Variants in XPOT observed in about 807,000 individuals in gnomAD.
XPOT encodes exportin for tRNA, also known as exportin-T.
In XPOT, 34 loss-of-function variants were observed where a neutral mutation model predicts 128.2. The observed-to-expected ratio is 0.27, with a 90% CI of 0.20 to 0.35. The LOEUF (loss-of-function observed/expected upper bound fraction) is 0.35, where lower values mean the gene tolerates loss of function less well. Among genes scored for constraint, XPOT ranks in the 10% least tolerant of loss-of-function variants. XPOT has a pLI of 1.00. For missense variants in XPOT, 838 were observed against 1,125.3 expected (o/e 0.74, Z 3.65); for synonymous variants, 348 against 394.3 (o/e 0.88, Z 1.39).
At chr12:64,444,111 G>A (rs1347133961) in intron 23 of XPOT, among the ~76,000 whole-genome samples, 1 of 151,932 alleles carries the variant, frequency 6.6e-6, no homozygotes, top group African/African-American at 2.4e-5. Context: ...TTTTTCATAT[G>A]CCTTATGTCT....
rs1347026593 is a variant in XPOT at position 64,408,128 on chromosome 12, G to A, written c.-74-1834G>A. Among the ~76,000 whole-genome samples, 3 of 150,330 alleles carry A rather than the reference G, an allele frequency of 2.0e-5. No homozygotes were observed. The South Asian group carries it at 6.4e-4, about 32-fold the overall frequency. On this transcript the variant is annotated intron_variant, in intron 1 of 24. Transcript: ENST00000332707. ...CCCACAGCCTTTTTTTGTTTTTTTT[G>A]AGACAGAGTCTCGTTCTGTCACCCA...
intron 2 of XPOT, among the ~76,000 whole-genome samples, chr12:64,411,769 G>A (rs2040040621): frequency 6.6e-6 from 1 of 152,086 alleles, no homozygotes; most frequent in South Asian, 2.1e-4. Context: ...TTGCTCAGTT[G>A]TCTATCTGTA....
chr12:64,406,831 A>T (rs1415027251), intron 1 of XPOT, among the ~76,000 whole-genome samples: 1 of 152,158 alleles, frequency 6.6e-6, no homozygotes, highest in African/African-American at 2.4e-5. Context: ...GGCGAAGGGA[A>T]CCAGTGCCTT....
Position 64,448,873 on chromosome 12 carries a change from T to G in XPOT, c.*742T>G, listed in dbSNP as rs1359101583. On this transcript the variant is annotated 3_prime_UTR_variant, in exon 25 of 25. Coordinates refer to ENST00000332707, the MANE Select transcript of XPOT (RefSeq NM_007235.6). ...ATGAGAGTCTTTTTCTTTAATGTACTGGAAAAAGCCTATGTGAATCTGTTG... is the reference window on the plus strand; with the variant it reads ...ATGAGAGTCTTTTTCTTTAATGTACGGGAAAAAGCCTATGTGAATCTGTTG... 3.3e-5 allele frequency: 5 copies of G among 152,146 alleles called. No individual in the cohort carries two copies. The highest frequency in any genetic ancestry group is 7.4e-5 in the Non-Finnish European group (5 of 68,016). The allele number at this position is 152,146 out of a possible 1,614,324, so 9.4% of individuals were successfully genotyped here. A position where few individuals can be genotyped will look rare whatever the true frequency, so the allele number is the denominator to read the frequency against.
At chr12:64,439,746 A>G (rs1388969097) in intron 23 of XPOT, among the ~76,000 whole-genome samples, 2 of 152,222 alleles carry the variant, frequency 1.3e-5, no homozygotes, top group Admixed American at 1.3e-4. Context: ...CTTAATCTGT[A>G]AATCTGAAAC....
At chr12:64,436,558 G>GC (rs1422550292) in intron 22 of XPOT, among the ~76,000 whole-genome samples, 1 of 152,024 alleles carries the variant, frequency 6.6e-6, no homozygotes, top group East Asian at 1.9e-4. Flanking sequence ...ACTGTGCCCG[G>GC]CCTTGGTTAT....
rs188121452 is a variant in XPOT, at chr12:64,418,420, C to G, written c.270+305C>G. On this transcript the variant is annotated intron_variant, in intron 5 of 24. Coordinates refer to ENST00000332707, the MANE Select transcript of XPOT (RefSeq NM_007235.6). ...TGTTTGGCTCTTAAAGGTGAGCCCT[C>G]CTGGACAGCCTCTCCACCAGAGCCC... Among the ~76,000 whole-genome samples the G allele has an allele frequency of 4.4e-3, 675 of 152,286 alleles. 3 individuals carry two copies. The highest frequency in any genetic ancestry group is 7.1e-3 in the Non-Finnish European group (482 of 68,024).
intron 18 of XPOT, among the ~76,000 whole-genome samples, chr12:64,432,396 C>T (rs935402624): frequency 6.6e-6 from 1 of 152,094 alleles, no homozygotes; most frequent in African/African-American, 2.4e-5. Context: ...TAGGTGCATG[C>T]ACCACACCAC....
intron 23 of XPOT, among the ~76,000 whole-genome samples, chr12:64,443,762 T>G (rs1398482240): frequency 6.6e-6 from 1 of 152,128 alleles, no homozygotes; most frequent in Non-Finnish European, 1.5e-5. Flanking sequence ...GCCTCAATGG[T>G]GTTTTTTTGA....
chr12:64,429,051 T>TA (rs1195865550), intron 16 of XPOT, among the ~76,000 whole-genome samples: 2 of 152,214 alleles, frequency 1.3e-5, no homozygotes, highest in African/African-American at 4.8e-5. Context: ...CACTACAACA[T>TA]ATGCAGTCAC....
rs562193414 is a variant in XPOT at position 64,427,751 on chromosome 12, C to G, written c.1668-300C>G. 4.6e-5 allele frequency among the ~76,000 whole-genome samples: 7 copies of G among 152,178 alleles called. No homozygotes were observed. In the South Asian group the frequency reaches 1.5e-3, roughly 32 times the overall value. ...CAGTCTTCCCACCTCGGCCTCCCAA[C>G]GTGTTGGGATTACAGAAATGAGCCA... On this transcript the variant is annotated intron_variant, in intron 15 of 24. Transcript: ENST00000332707.
intron 9 of XPOT, among the ~76,000 whole-genome samples, 190 bp from the exon 10 acceptor site, chr12:64,422,815 A>G (rs1592330735): frequency 6.7e-6 from 1 of 149,390 alleles, no homozygotes; most frequent in African/African-American, 2.5e-5. Context: ...AGGTGGGAGG[A>G]TCTCTTGAGC....
chr12:64,424,706 T>G lies in XPOT; in HGVS notation c.1290T>G (p.Val430=). 6.2e-7 allele frequency: 1 copy of G among 1,613,788 alleles called. No homozygotes were observed. Among genetic ancestry groups the G allele is most frequent in the Non-Finnish European group, 8.5e-7 (1 of 1,179,978 alleles). ...PELLLASVRR[V]FSSTLQNWQT... ...TACTACTGGCCTCTGTTCGCAGAGTTTTTAGTTCTACACTGCAGTAAGTTT... is the reference window on the plus strand; with the variant it reads ...TACTACTGGCCTCTGTTCGCAGAGTGTTTAGTTCTACACTGCAGTAAGTTT... Residue 430 remains valine (V), a synonymous_variant, in exon 12 of 25, where the codon GTT becomes GTG. Transcript: ENST00000332707.
chr12:64,422,578 A>T (rs2040148602), intron 9 of XPOT, among the ~76,000 whole-genome samples: 1 of 152,142 alleles, frequency 6.6e-6, no homozygotes, highest in Non-Finnish European at 1.5e-5. Flanking sequence ...CCCTCCAAAA[A>T]AGTTGTGTGC....
intron 16 of XPOT, among the ~76,000 whole-genome samples, chr12:64,428,721 A>T (rs1322503657): frequency 6.6e-6 from 1 of 152,252 alleles, no homozygotes; most frequent in East Asian, 1.9e-4. Flanking sequence ...AAATTATTTG[A>T]AAGATATTAC....
intron 11 of XPOT, among the ~76,000 whole-genome samples, chr12:64,424,164 C>A (rs2040168878): frequency 6.6e-6 from 1 of 152,286 alleles, no homozygotes; most frequent in Admixed American, 6.5e-5. Context: ...ATTATTACCA[C>A]TTTTTACAGT....
At chr12:64,433,657 A>AC in intron 19 of XPOT, 54 bp downstream of exon 19, 1 of 1,488,864 alleles carries the variant, frequency 6.7e-7, no homozygotes. Flanking sequence ...TCACTGTTGT[A>AC]CATCTATATG....
At chr12:64,418,173 G>A in intron 5 of XPOT, 58 bp downstream of exon 5, 1 of 1,468,746 alleles carries the variant, frequency 6.8e-7, no homozygotes. Flanking sequence ...CTTATTTTTT[G>A]CAAGAGTTTG....
At chr12:64,425,513 T>C in intron 14 of XPOT, 56 bp downstream of exon 14, 2 of 1,583,796 alleles carry the variant, frequency 1.3e-6, no homozygotes, top group South Asian at 1.1e-5. Flanking sequence ...GACTTGATAG[T>C]GTAGTATTGT....
Sources: gnomAD v4.1 joint callset for allele counts (sites outside exome capture counted in the v4.1 genomes callset) on GRCh38, gnomAD v4.1.1 for gene constraint, MANE v1.5 for transcripts, NCBI Gene and HGNC (gene_info 2026-07-23, HGNC 2026-07-21) for gene names.